The following RASA2 variants were observed in gnomAD, a reference collection of about 807,000 sequenced individuals.
The protein encoded by RASA2 is ras GTPase-activating protein 2.
In RASA2, 155 loss-of-function variants were observed where a neutral mutation model predicts 118.2. The ratio of observed to expected loss-of-function variants is 1.31; its 90% CI spans 1.15 to 1.50. The LOEUF is 1.50. Ranked by LOEUF, RASA2 falls within the 40% of genes most tolerant of loss-of-function variation. RASA2 has a pLI of 0.00. For synonymous variants in RASA2, 353 were observed against 349.1 expected, an observed-to-expected ratio of 1.01 and a Z score of -0.12; for missense variants, 1,016 against 1,009.6, an observed-to-expected ratio of 1.01 and a Z score of -0.09.
chr3:141,611,136 A>G (rs2107805248), intron 23 of RASA2, among the ~76,000 whole-genome samples: 1 of 152,316 alleles, frequency 6.6e-6, no homozygotes, highest in Non-Finnish European at 1.5e-5. Context: ...GGCTTAAACA[A>G]TAAAACTATT....
chr3:141,523,495 T>C (rs546888578), intron 3 of RASA2, among the ~76,000 whole-genome samples: 1 of 152,340 alleles, frequency 6.6e-6, no homozygotes, highest in Non-Finnish European at 1.5e-5. Flanking sequence ...TAATTGTTTA[T>C]ATTAGGCATC....
intron 1 of RASA2, among the ~76,000 whole-genome samples, chr3:141,508,588 A>T (rs939564929): frequency 6.6e-6 from 1 of 152,058 alleles, no homozygotes; most frequent in Non-Finnish European, 1.5e-5. Flanking sequence ...CATGTTGCCA[A>T]GGCTGGTTTC....
intron 1 of RASA2, 41 bp from the exon 2 acceptor site, chr3:141,512,122 T>G: frequency 7.3e-6 from 10 of 1,360,692 alleles, no homozygotes; most frequent in Non-Finnish European, 1.0e-5. Flanking sequence ...TATGAAGCAG[T>G]TGATGATATT....
chr3:141,588,850 T>A (rs2083245498), intron 19 of RASA2, among the ~76,000 whole-genome samples: 1 of 151,942 alleles, frequency 6.6e-6, no homozygotes, highest in Non-Finnish European at 1.5e-5. Flanking sequence ...TATTTTTATT[T>A]TTTTTTTTTG....
At chr3:141,608,375 C>T in intron 20 of RASA2, 114 bp from the exon 21 acceptor site, 1 of 957,106 alleles carries the variant, frequency 1.0e-6, no homozygotes, top group Non-Finnish European at 1.6e-6. Flanking sequence ...GACATCTTAG[C>T]ACCAGTTATC....
intron 23 of RASA2, among the ~76,000 whole-genome samples, chr3:141,611,705 AT>A (rs1478629030): frequency 2.6e-5 from 4 of 152,158 alleles, no homozygotes; most frequent in Non-Finnish European, 5.9e-5. Flanking sequence ...TAATAATTAT[AT>A]TTTTTATTCA....
intron 9 of RASA2, among the ~76,000 whole-genome samples, chr3:141,563,770 T>C (rs2082773706): frequency 6.6e-6 from 1 of 152,190 alleles, no homozygotes; most frequent in Admixed American, 6.5e-5. Context: ...GTTTGTGCTT[T>C]TAACCAGTGT....
rs1374688509 is a variant in RASA2 at position 141,571,086 on chromosome 3, AG to A, written c.1020+20del. The A allele has an allele frequency of 7.6e-6, 12 of 1,578,914 alleles. No homozygotes were observed. Among genetic ancestry groups the A allele is most frequent in the Non-Finnish European group, 1.0e-5 (12 of 1,167,948 alleles). On this transcript the variant is annotated intron_variant, in intron 10 of 23. Transcript: ENST00000286364. ...ATGTTCAAGTATGTTAAGAATCTTA[AG>A]GATATGATTTAACACGAAACGGCTA...
chr3:141,564,178 G>A (rs1577743804), intron 9 of RASA2, among the ~76,000 whole-genome samples: 1 of 152,110 alleles, frequency 6.6e-6, no homozygotes, highest in Non-Finnish European at 1.5e-5. Context: ...ACAATGCTAT[G>A]TTAAGACTGT....
chr3:141,572,485 T>C (rs1239933202), intron 11 of RASA2, 124 bp from the exon 12 acceptor site: 3 of 638,408 alleles, frequency 4.7e-6, no homozygotes, highest in East Asian at 3.0e-5. Flanking sequence ...AGGTCACTTA[T>C]GCCTTCTAGT....
chr3:141,487,498 G>T (rs1476095040), intron 1 of RASA2, among the ~76,000 whole-genome samples: 1 of 151,868 alleles, frequency 6.6e-6, no homozygotes, highest in Non-Finnish European at 1.5e-5. Flanking sequence ...GGGCTCGGTC[G>T]TGGGGAGCGG....
intron 21 of RASA2, 118 bp from the exon 22 acceptor site, chr3:141,609,302 C>A: frequency 1.8e-6 from 1 of 563,196 alleles, no homozygotes; most frequent in Non-Finnish European, 2.9e-6. Flanking sequence ...ACTAAATTTC[C>A]AGACTTCCTT....
chr3:141,608,458 C>T (rs764268901), intron 20 of RASA2, 31 bp from the exon 21 acceptor site: 1 of 1,601,920 alleles, frequency 6.2e-7, no homozygotes, highest in South Asian at 1.1e-5. Flanking sequence ...GGACTCTTGT[C>T]ACTAACTTTT....
At chr3:141,588,011 C>T (rs1206683247) in intron 19 of RASA2, among the ~76,000 whole-genome samples, 1 of 152,116 alleles carries the variant, frequency 6.6e-6, no homozygotes, top group East Asian at 1.9e-4. Context: ...GATCAGATTT[C>T]CTGTCTTTCT....
chr3:141,603,903 A>C (rs1323380462), intron 19 of RASA2, among the ~76,000 whole-genome samples: 1 of 152,226 alleles, frequency 6.6e-6, no homozygotes, highest in Non-Finnish European at 1.5e-5. Flanking sequence ...TTCATGTTGT[A>C]GCATGAATCA....
chr3:141,520,542 AGTGT>A (rs34101510), intron 3 of RASA2, among the ~76,000 whole-genome samples: 1 of 150,698 alleles, frequency 6.6e-6, no homozygotes, highest in Admixed American at 6.6e-5. Context: ...ATATAACTGG[AGTGT>A]GTGTGTGTGT....
At chr3:141,574,531 TTC>T (rs1329780048) in intron 14 of RASA2, among the ~76,000 whole-genome samples, 1 of 152,166 alleles carries the variant, frequency 6.6e-6, no homozygotes, top group African/African-American at 2.4e-5. Flanking sequence ...TTCAAAATGA[TTC>T]TATCTTTCTC....
At chr3:141,527,539 A>G (rs2082201814) in intron 3 of RASA2, among the ~76,000 whole-genome samples, 1 of 152,080 alleles carries the variant, frequency 6.6e-6, no homozygotes, top group African/African-American at 2.4e-5. Flanking sequence ...TCAAACTGTT[A>G]TGCATTGCCT....
intron 17 of RASA2, 73 bp downstream of exon 17, chr3:141,581,250 T>A: frequency 9.4e-7 from 1 of 1,061,642 alleles, no homozygotes; most frequent in Non-Finnish European, 1.2e-6. Flanking sequence ...TTATATATAT[T>A]ATTATTATCA....
Sources: allele counts gnomAD v4.1 joint callset (sites outside exome capture counted in the v4.1 genomes callset), GRCh38; gene constraint gnomAD v4.1.1; transcripts MANE v1.5; gene names NCBI Gene and HGNC (gene_info 2026-07-23, HGNC 2026-07-21).